SVOPL: variants seen among roughly 807,000 people sequenced by gnomAD.
SVOPL encodes putative transporter SVOPL.
A neutral mutation model predicts 61.0 loss-of-function variants in SVOPL; 60 were observed. The ratio of observed to expected loss-of-function variants is 0.98; its 90% CI spans 0.80 to 1.22. SVOPL has a LOEUF of 1.22. SVOPL is among the 50% of genes most tolerant of loss of function. The pLI is 0.00. For synonymous variants in SVOPL, 279 were observed against 250.0 expected (o/e 1.12, Z -1.09); for missense variants, 662 against 643.9 (o/e 1.03, Z -0.30).
At chr7:138,604,638 A>G (rs1164111199) in intron 14 of SVOPL, among the ~76,000 whole-genome samples, 1 of 139,856 alleles carries the variant, frequency 7.2e-6, no homozygotes, top group Non-Finnish European at 1.5e-5. Flanking sequence ...AAATTGTGCC[A>G]TTACACTCCA....
intron 14 of SVOPL, among the ~76,000 whole-genome samples, chr7:138,618,205 T>C (rs1799385590): frequency 6.6e-6 from 1 of 152,226 alleles, no homozygotes; most frequent in Admixed American, 6.5e-5. Flanking sequence ...GGAATAGCGT[T>C]TCACCTTGAC....
At position 138,678,966 on chromosome 7, in the gene SVOPL, T is replaced by TA; in HGVS notation, c.79_80insT (p.Lys27IlefsTer35). Reference sequence around the variant, plus strand: ...GGAGACTTCTATGATAATCTCACCTTTAACCTGTGGCTCTGCGGTCCCCAG... The same window carrying TA: ...GGAGACTTCTATGATAATCTCACCTTATAACCTGTGGCTCTGCGGTCCCCAG... On this transcript the variant is annotated frameshift_variant, in exon 2 of 16. Transcript: ENST00000674285. LOFTEE classifies it high-confidence loss of function. 6.4e-7 allele frequency: 1 copy of TA among 1,551,548 alleles called. No individual in the cohort carries two copies.
Position 138,659,920 on chromosome 7 carries a change from G to C in SVOPL, c.414C>G (p.Ile138Met), listed in dbSNP as rs1801927139. The C allele has an allele frequency of 6.4e-7, 1 of 1,551,430 alleles. No individual in the cohort carries two copies. Among genetic ancestry groups the C allele is most frequent in the South Asian group, 1.2e-5 (1 of 84,054 alleles). ...SLLTSFAPSYIWFVFLRTMVG... is the reference protein window; with the variant it reads ...SLLTSFAPSYMWFVFLRTMVG... ...CCATCGTCCGCAGGAAGACAAACCA[G>C]ATGTACGAAGGAGCAAACGAGGTCA... The change falls in exon 6 of 16, where the codon ATC becomes ATG. Residue 138 changes from isoleucine to methionine, a missense_variant. By Grantham distance (10) the Ile-to-Met change is conservative (BLOSUM62 1). Transcript: ENST00000674285.
intron 4 of SVOPL, among the ~76,000 whole-genome samples, chr7:138,665,212 G>T (rs768645246): frequency 2.1e-5 from 3 of 142,576 alleles, no homozygotes; most frequent in Non-Finnish European, 4.5e-5. Flanking sequence ...CACACAAAGC[G>T]TTTCTTCAGC....
chr7:138,675,615 C>T (rs546970376), intron 3 of SVOPL, among the ~76,000 whole-genome samples: 18 of 152,282 alleles, frequency 1.2e-4, no homozygotes, highest in African/African-American at 4.3e-4. Flanking sequence ...CTTGGCCTCC[C>T]AAAGTGCTGG....
chr7:138,665,356 T>G (rs1802222816), intron 4 of SVOPL, among the ~76,000 whole-genome samples: 4 of 151,260 alleles, frequency 2.6e-5, no homozygotes. Context: ...GGCCCTTCCG[T>G]TTAGCACAAT....
chr7:138,644,489 G>T (rs891861922), intron 9 of SVOPL, among the ~76,000 whole-genome samples: 1 of 152,202 alleles, frequency 6.6e-6, no homozygotes, highest in African/African-American at 2.4e-5. Context: ...TGCAAGGTGG[G>T]TGTTATTATT....
At chr7:138,608,120 T>C (rs181426974) in intron 14 of SVOPL, among the ~76,000 whole-genome samples, 10 of 152,270 alleles carry the variant, frequency 6.6e-5, no homozygotes, top group Admixed American at 5.2e-4. Context: ...GGAGGAAAGA[T>C]TGGACAAAGA....
At position 138,594,462 on chromosome 7, in the gene SVOPL, C is replaced by T; in HGVS notation, c.*148G>A. The T allele has an allele frequency of 5.9e-6, 3 of 510,340 alleles. No individual in the cohort carries two copies. Among genetic ancestry groups the T allele is most frequent in the Non-Finnish European group, 1.0e-5 (3 of 293,186 alleles). 31.6% of individuals were successfully genotyped at this position (510,340 alleles called of 1,614,324 possible). A position where few individuals can be genotyped will look rare whatever the true frequency, so the allele number is the denominator to read the frequency against. On this transcript the variant is annotated 3_prime_UTR_variant, in exon 16 of 16. Coordinates refer to ENST00000674285, the MANE Select transcript of SVOPL (RefSeq NM_001139456.2). ...AAGAGATCAATATACAGTTACCTACCCCATTCCCATATATGCCTTTAAAAA... is the reference window on the plus strand; with the variant it reads ...AAGAGATCAATATACAGTTACCTACTCCATTCCCATATATGCCTTTAAAAA...
intron 7 of SVOPL, among the ~76,000 whole-genome samples, chr7:138,652,415 G>A (rs1421464928): frequency 6.6e-6 from 1 of 151,660 alleles, no homozygotes; most frequent in African/African-American, 2.4e-5. Context: ...TCAAACTCCT[G>A]GCCTCAAGCA....
chr7:138,656,553 AC>A, intron 6 of SVOPL, 42 bp from the exon 7 acceptor site: 1 of 1,597,464 alleles, frequency 6.3e-7, no homozygotes, highest in South Asian at 1.1e-5. Context: ...GTTTTAAAAA[AC>A]TAAATCATCT....
intron 4 of SVOPL, chr7:138,663,406 AC>A: frequency 7.3e-7 from 1 of 1,363,426 alleles, no homozygotes; most frequent in South Asian, 1.6e-5. Flanking sequence ...TTGCTAGAGG[AC>A]GGCTTCGGCT....
rs1382867658 is a variant in SVOPL at position 138,594,354 on chromosome 7, T to TC, written c.*255dup. Reference sequence around the variant, plus strand: ...TGATTTCAATGAAGAAAAGCCATCTTCCCCCCCACCATCTCCCTCTCACAC... The same window carrying TC: ...TGATTTCAATGAAGAAAAGCCATCTTCCCCCCCCACCATCTCCCTCTCACAC... On this transcript the variant is annotated 3_prime_UTR_variant, in exon 16 of 16. Transcript: ENST00000674285. 3.1e-5 allele frequency: 9 copies of TC among 290,576 alleles called. No individual in the cohort carries two copies. The highest frequency in any genetic ancestry group is 2.8e-4 in the East Asian group (5 of 18,070). 18.0% of individuals were successfully genotyped at this position (290,576 alleles called of 1,614,324 possible).
At chr7:138,679,861 C>T (rs1369310188) in intron 1 of SVOPL, among the ~76,000 whole-genome samples, 1 of 152,180 alleles carries the variant, frequency 6.6e-6, no homozygotes, top group African/African-American at 2.4e-5. Flanking sequence ...TCCCTCTAAT[C>T]TTCACAGAAG....
At chr7:138,674,951 A>C (rs2117115330) in intron 3 of SVOPL, among the ~76,000 whole-genome samples, 1 of 152,130 alleles carries the variant, frequency 6.6e-6, no homozygotes, top group South Asian at 2.1e-4. Flanking sequence ...GTAAAACTTC[A>C]CCTAGTCACA....
At chr7:138,679,181 A>G (rs2117122729) in intron 1 of SVOPL, 102 bp from the exon 2 acceptor site, 1 of 763,336 alleles carries the variant, frequency 1.3e-6, no homozygotes, top group East Asian at 2.8e-5. Flanking sequence ...AAGCCCTCAC[A>G]AAAATCGAAT....
chr7:138,613,136 C>G (rs1028749554), intron 14 of SVOPL, among the ~76,000 whole-genome samples: 1 of 152,132 alleles, frequency 6.6e-6, no homozygotes, highest in African/African-American at 2.4e-5. Flanking sequence ...TCTCCTGCCT[C>G]AGCCTCCCAA....
At chr7:138,624,207 A>G (rs184364463) in intron 13 of SVOPL, among the ~76,000 whole-genome samples, 1 of 152,300 alleles carries the variant, frequency 6.6e-6, no homozygotes, top group Non-Finnish European at 1.5e-5. Context: ...GCTGGAGTAA[A>G]ATTTATTGTC....
intron 14 of SVOPL, among the ~76,000 whole-genome samples, chr7:138,599,521 T>C (rs1798424934): frequency 6.6e-6 from 1 of 152,202 alleles, no homozygotes; most frequent in African/African-American, 2.4e-5. Flanking sequence ...GGCATTGTTT[T>C]GTTGCTTTTT....
Sources: allele counts gnomAD v4.1 joint callset (sites outside exome capture counted in the v4.1 genomes callset), GRCh38; gene constraint gnomAD v4.1.1; transcripts MANE v1.5; gene names NCBI Gene and HGNC (gene_info 2026-07-23, HGNC 2026-07-21).